Variants in ITIH4 observed in about 807,000 individuals in gnomAD.
The protein encoded by ITIH4 is inter-alpha-trypsin inhibitor heavy chain H4.
In ITIH4, 79 loss-of-function variants were observed where a neutral mutation model predicts 111.8. That is an observed-to-expected ratio of 0.71 (90% CI 0.59 to 0.85). The LOEUF is 0.85. Ranked by LOEUF, ITIH4 falls within the 40% of genes least tolerant of loss-of-function variation. The pLI is 0.00. For synonymous variants in ITIH4, 472 were observed against 468.3 expected, an observed-to-expected ratio of 1.01 and a Z score of -0.10; for missense variants, 1,065 against 1,195.8, an observed-to-expected ratio of 0.89 and a Z score of 1.61.
chr3:52,824,864 A>G lies in ITIH4; in HGVS notation c.854T>C (p.Met285Thr). The G allele has an allele frequency of 6.2e-7, 1 of 1,613,860 alleles. No individual in the cohort carries two copies. Among genetic ancestry groups the G allele is most frequent in the African/African-American group, 1.3e-5 (1 of 75,032 alleles). The change falls in exon 7 of 24, where the codon ATG becomes ACG. Residue 285 changes from methionine to threonine, a missense_variant. Transcript: ENST00000266041. This position sits in a 1 kb window ranked among gnomAD's most constrained non-coding sequence, Gnocchi z 4.3. ...TACCTGCTGGATTTTCCTGCCACTC[A>G]TGGAGCCGCTCTTGTCAATGACAAA... is the stretch of plus-strand genomic sequence containing the variant. ...VVFVIDKSGS[M>T]SGRKIQQTRE...
rs148799851 is a variant in ITIH4, at chr3:52,823,886, T to C, written c.1290A>G (p.Ala430=). Residue 430 remains alanine (A), a synonymous_variant, in exon 10 of 24, where the codon GCA becomes GCG. Transcript: ENST00000266041. ...DVSYAFLEKL[A]LDNGGLARRI... The stretch of plus-strand genomic sequence containing the variant: ...GCCGGGCCAGGCCGCCATTGTCCAG[T>C]GCCAGCTTCTCCAGGAAGGCATAGC... The C allele has an allele frequency of 9.9e-5, 159 of 1,613,790 alleles. 1 individual carries two copies. In the African/African-American group the frequency reaches 1.7e-3, roughly 18 times the overall value.
In ITIH4 at chr3:52,824,381, C is replaced by A. The variant is rs1314605462; in HGVS notation, c.1045+16G>T. 1 of 1,613,734 alleles carries A rather than the reference C, an allele frequency of 6.2e-7. No homozygotes were observed. Reference sequence around the variant, plus strand: ...CCCTGGAAGCCCCCACCCTGCAGGGCCACAGAGACACTTACCTCCCAGGGC... The same window carrying A: ...CCCTGGAAGCCCCCACCCTGCAGGGACACAGAGACACTTACCTCCCAGGGC... On this transcript the variant is annotated intron_variant, in intron 8 of 23. Transcript: ENST00000266041. The surrounding 1 kb of genome is among the most constrained non-coding windows in gnomAD (Gnocchi z 4.3).
rs1700370923 is a variant in ITIH4, at chr3:52,821,034, T to C, written c.1636A>G (p.Arg546Gly). 6.2e-7 allele frequency: 1 copy of C among 1,614,048 alleles called. No individual in the cohort carries two copies. Among genetic ancestry groups the C allele is most frequent in the Non-Finnish European group, 8.5e-7 (1 of 1,180,006 alleles). ...TGGATAGTCAGGTATGCCCAGAGCC[T>C]CTCCATGAAGTTGTGGAAGATATAC... ...PKYIFHNFME[R>G]LWAYLTIQQL... Residue 546 changes from arginine (R) to glycine (G), a missense_variant, in exon 12 of 24, where the codon AGG becomes GGG. Coordinates refer to ENST00000266041, the MANE Select transcript of ITIH4 (RefSeq NM_002218.5).
intron 17 of ITIH4, chr3:52,818,972 T>G: frequency 3.5e-6 from 1 of 285,226 alleles, no homozygotes. Flanking sequence ...CAAGGACTGC[T>G]CCAAAGAGCG....
chr3:52,814,316 G>C lies in ITIH4; in HGVS notation c.2519C>G (p.Pro840Arg). 6.2e-7 allele frequency: 1 copy of C among 1,614,006 alleles called. No homozygotes were observed. Among genetic ancestry groups the C allele is most frequent in the Non-Finnish European group, 8.5e-7 (1 of 1,179,974 alleles). The change falls in exon 22 of 24, where the codon CCA (proline) becomes CGA (arginine). Residue 840 changes from proline to arginine, a missense_variant. By Grantham distance (103) the Pro-to-Arg change is moderately radical. Coordinates refer to ENST00000266041, the MANE Select transcript of ITIH4 (RefSeq NM_002218.5). ...CAACAGGCCGATGGTCACTTTGTCT[G>C]GGTCACTGAGCAGCAGGAGACCCGT... Reference protein sequence around the residue: ...DKTGLLLLSDPDKVTIGLLFW... With the variant: ...DKTGLLLLSDRDKVTIGLLFW...
chr3:52,813,455 C>A lies in ITIH4; in HGVS notation c.2759G>T (p.Gly920Val). 1.2e-6 allele frequency: 2 copies of A among 1,614,130 alleles called. No individual in the cohort carries two copies. The highest frequency in any genetic ancestry group is 1.7e-6 in the Non-Finnish European group (2 of 1,179,988). Residue 920 changes from glycine (G) to valine (V), a missense_variant, in exon 24 of 24, where the codon GGA becomes GTA. Gly to Val is a moderately radical substitution (Grantham distance 109). Transcript: ENST00000266041. ...RRLDYQEGPP[G>V]VEISCWSVEL Reference sequence around the variant, plus strand: ...CACAGACCAGCAGGAAATCTCCACTCCCGGGGGCCCCTCCTGGTAATCCAG... The same window carrying A: ...CACAGACCAGCAGGAAATCTCCACTACCGGGGGCCCCTCCTGGTAATCCAG...
chr3:52,828,984 CCCAGG>C lies in ITIH4; in HGVS notation c.251+130_251+134del. 4 of 726,658 alleles carry C rather than the reference CCCAGG, an allele frequency of 5.5e-6. No individual in the cohort carries two copies. In the South Asian group the frequency reaches 1.1e-4, roughly 21 times the overall value. The allele number at this position is 726,658 out of a possible 1,614,324, so 45.0% of individuals were successfully genotyped here. ...TGGCAAGCCCCTGTTCCTGTGTGGC[CCCAGG>C]TGCAGGGTGTACTCCTGAAGATGTA... On this transcript the variant is annotated intron_variant, in intron 2 of 23. Transcript: ENST00000266041.
chr3:52,829,586 G>C (rs185977088), intron 1 of ITIH4, among the ~76,000 whole-genome samples: 2 of 152,364 alleles, frequency 1.3e-5, no homozygotes, highest in African/African-American at 4.8e-5. Flanking sequence ...AGGGGGTGGA[G>C]CTGGTGAAGC....
Position 52,824,589 on chromosome 3 carries a change from G to C in ITIH4, c.877-24C>G. The stretch of plus-strand genomic sequence containing the variant: ...GTCTGGTCAGGGAGAGGAAACATAG[G>C]TGCTTCAGAAGGGCTCCCTGAGGGC... On this transcript the variant is annotated intron_variant, in intron 7 of 23. Transcript: ENST00000266041. The surrounding 1 kb of genome is among the most constrained non-coding windows in gnomAD (Gnocchi z 4.3). 1 of 1,598,286 alleles carries C rather than the reference G, an allele frequency of 6.3e-7. No individual in the cohort carries two copies. Among genetic ancestry groups the C allele is most frequent in the South Asian group, 1.1e-5 (1 of 90,410 alleles).
Position 52,829,246 on chromosome 3 carries a change from A to C in ITIH4, c.124T>G (p.Ser42Ala). Residue 42 changes from serine (S) to alanine (A), a missense_variant, in exon 2 of 24, where the codon TCC becomes GCC. Coordinates refer to ENST00000266041, the MANE Select transcript of ITIH4 (RefSeq NM_002218.5). ...TGGGCAAATCGGGATGAGACCCTGG[A>C]GTCCACGGTGAGGCTGTAGATGTCG... Reference protein sequence around the residue: ...GIDIYSLTVDSRVSSRFAHTV... With the variant: ...GIDIYSLTVDARVSSRFAHTV... 6.2e-7 allele frequency: 1 copy of C among 1,612,950 alleles called. No individual in the cohort carries two copies. The highest frequency in any genetic ancestry group is 8.5e-7 in the Non-Finnish European group (1 of 1,179,058).
At chr3:52,827,697 C>T (rs1700507283) in intron 2 of ITIH4, among the ~76,000 whole-genome samples, 2 of 152,226 alleles carry the variant, frequency 1.3e-5, no homozygotes, top group Non-Finnish European at 2.9e-5. Flanking sequence ...CACTTTCCCC[C>T]TACAGCAGTC....
chr3:52,816,213 T>G (rs1383536485), intron 21 of ITIH4, among the ~76,000 whole-genome samples: 1 of 152,196 alleles, frequency 6.6e-6, no homozygotes, highest in East Asian at 1.9e-4. Flanking sequence ...CCTCGTGATC[T>G]GCAAAGCTGG....
rs1700440038 is a variant in ITIH4, at chr3:52,823,980, T to A, written c.1196A>T (p.Gln399Leu). ...TVGETNPRSI[Q>L]NNVREAVSGR... ...ACTTACAGCTTCCCGCACGTTATTC[T>A]GGATGCTCCTGGGGTTAGTCTCCCC... The change falls in exon 10 of 24, where the codon CAG (glutamine) becomes CTG (leucine). Residue 399 changes from glutamine (Q) to leucine (L), a missense_variant. Gln to Leu is a moderately radical substitution (Grantham distance 113, BLOSUM62 -2). Coordinates refer to ENST00000266041, the MANE Select transcript of ITIH4 (RefSeq NM_002218.5). 2.5e-6 allele frequency: 4 copies of A among 1,577,746 alleles called. No homozygotes were observed. The highest frequency in any genetic ancestry group is 3.4e-6 in the Non-Finnish European group (4 of 1,163,008).
chr3:52,821,140 G>C lies in ITIH4; in HGVS notation c.1540-10C>G, dbSNP rs1426457382. 6.2e-6 allele frequency: 10 copies of C among 1,611,916 alleles called. No homozygotes were observed. Among genetic ancestry groups the C allele is most frequent in the Non-Finnish European group, 8.5e-6 (10 of 1,179,558 alleles). ...TGATGTTCTGTGTAGGCTGGAAAGAGGGGCCCAGCCAGGGCAGGAGCAGTG... is the reference window on the plus strand; with the variant it reads ...TGATGTTCTGTGTAGGCTGGAAAGACGGGCCCAGCCAGGGCAGGAGCAGTG... On this transcript the variant is annotated splice_polypyrimidine_tract_variant and intron_variant, in intron 11 of 23. Coordinates refer to ENST00000266041, the MANE Select transcript of ITIH4 (RefSeq NM_002218.5).
chr3:52,825,173 C>A (rs1700462927), intron 6 of ITIH4: 1 of 380,910 alleles, frequency 2.6e-6, no homozygotes, highest in Non-Finnish European at 4.7e-6. Flanking sequence ...CACCAGAACT[C>A]TCCCTGCAAC....
rs148908683 is a variant in ITIH4 at position 52,826,845 on chromosome 3, C to T, written c.465G>A (p.Gly155=). 5.0e-6 allele frequency: 8 copies of T among 1,613,936 alleles called. No individual in the cohort carries two copies. The African/African-American group carries it at 9.3e-5, about 19-fold the overall frequency. ...VYEELLKRRL[G]VYELLLKVRP... is the part of the protein sequence containing the mutation. ...GCACTTTCAGCAGCAGCTCGTACAC[C>T]CCCAAACGCCGCTTGAGCAGCTCCT... is the stretch of plus-strand genomic sequence containing the variant. Residue 155 remains glycine (G), a synonymous_variant, in exon 4 of 24, where the codon GGG becomes GGA. Coordinates refer to ENST00000266041, the MANE Select transcript of ITIH4 (RefSeq NM_002218.5).
rs371389224 is a variant in ITIH4, at chr3:52,819,917, C to T, written c.1912+23G>A. 183 of 1,611,070 alleles carry T rather than the reference C, an allele frequency of 1.1e-4. No individual in the cohort carries two copies. The Admixed American group carries it at 3.0e-3, about 27-fold the overall frequency. On this transcript the variant is annotated intron_variant, in intron 15 of 23. Transcript: ENST00000266041. ...TGAGCCCAATCTGTCAATCTCCCCTCCCCCCACCTCCTACTTTGTCACCTG... is the reference window on the plus strand; with the variant it reads ...TGAGCCCAATCTGTCAATCTCCCCTTCCCCCACCTCCTACTTTGTCACCTG...
At chr3:52,816,771 A>T in intron 21 of ITIH4, 113 bp downstream of exon 21, 1 of 990,422 alleles carries the variant, frequency 1.0e-6, no homozygotes, top group Non-Finnish European at 1.5e-6. Flanking sequence ...CCCTCCTGTG[A>T]GTGTAGCTGC....
Position 52,826,080 on chromosome 3 carries a change from CCT to C in ITIH4, c.631-68_631-67del, listed in dbSNP as rs538123812. 2.1e-4 allele frequency: 333 copies of C among 1,597,226 alleles called. 3 individuals carry two copies. In the South Asian group the frequency reaches 2.1e-3, roughly 10 times the overall value. ...AGCCAGGCCAACAACACCCTCTACC[CCT>C]GTCTGTATATTGGGAAATCAGAATT... On this transcript the variant is annotated intron_variant, in intron 5 of 23. Transcript: ENST00000266041.
Sources: allele counts gnomAD v4.1 joint callset (sites outside exome capture counted in the v4.1 genomes callset), GRCh38; gene constraint gnomAD v4.1.1; non-coding constraint Gnocchi (gnomAD v3.1); transcripts MANE v1.5; gene names NCBI Gene and HGNC (gene_info 2026-07-23, HGNC 2026-07-21).